Variants in ERBB4 observed in about 807,000 individuals in gnomAD.
The protein encoded by ERBB4 is erb-b2 receptor tyrosine kinase 4.
In ERBB4, 42 loss-of-function variants were observed where a neutral mutation model predicts 158.0. The ratio of observed to expected loss-of-function variants is 0.27; its 90% CI spans 0.21 to 0.34. ERBB4 has a LOEUF of 0.34. Among genes scored for constraint, ERBB4 ranks in the 10% least tolerant of loss-of-function variants. The pLI is 1.00. For missense variants in ERBB4, 1,333 were observed against 1,624.1 expected (o/e 0.82, Z 3.08); for synonymous variants, 583 against 558.7 (o/e 1.04, Z -0.61).
chr2:212,192,757 G>A (rs1032279555), intron 1 of ERBB4, among the ~76,000 whole-genome samples: 5 of 131,072 alleles, frequency 3.8e-5, no homozygotes, highest in Non-Finnish European at 5.2e-5. Context: ...TAGTCCACCT[G>A]ATATCTGAAA....
chr2:211,609,245 A>C (rs1444610047), intron 19 of ERBB4, among the ~76,000 whole-genome samples: 1 of 152,256 alleles, frequency 6.6e-6, no homozygotes, highest in East Asian at 1.9e-4. Flanking sequence ...TCTATGTAAA[A>C]ACTGGCCATA....
At chr2:211,443,880 G>A (rs1836714) in intron 20 of ERBB4, among the ~76,000 whole-genome samples, 116,170 of 151,586 alleles carry the variant, frequency 0.77, 44,705 homozygotes, top group African/African-American at 0.84. Flanking sequence ...ACTCAATGTT[G>A]ATAGTATTAT....
At chr2:212,027,625 C>T (rs1042397701) in intron 2 of ERBB4, among the ~76,000 whole-genome samples, 6 of 147,338 alleles carry the variant, frequency 4.1e-5, no homozygotes, top group African/African-American at 1.5e-4. Context: ...CTTCACTTTA[C>T]ACCTCTGTTG....
At chr2:212,155,730 A>T (rs925106937) in intron 1 of ERBB4, among the ~76,000 whole-genome samples, 3 of 152,124 alleles carry the variant, frequency 2.0e-5, no homozygotes, top group Non-Finnish European at 4.4e-5. Flanking sequence ...TGTAGCTGAC[A>T]AATCAGAGTA....
chr2:212,063,345 A>T (rs562508857), intron 2 of ERBB4, among the ~76,000 whole-genome samples: 19 of 152,250 alleles, frequency 1.2e-4, no homozygotes, highest in African/African-American at 4.6e-4. Context: ...ATATAAACTC[A>T]CCTGTATGAT....
intron 1 of ERBB4, among the ~76,000 whole-genome samples, chr2:212,432,728 C>G (rs1429006204): frequency 6.6e-6 from 1 of 152,072 alleles, no homozygotes; most frequent in Non-Finnish European, 1.5e-5. Flanking sequence ...CATTTAACAT[C>G]ATTAATAACC....
chr2:212,516,878 A>G (rs1362841106), intron 1 of ERBB4, among the ~76,000 whole-genome samples: 1 of 152,112 alleles, frequency 6.6e-6, no homozygotes, highest in South Asian at 2.1e-4. Context: ...GAGGTATTGA[A>G]GAAATGAATG....
intron 5 of ERBB4, among the ~76,000 whole-genome samples, chr2:211,749,094 G>A (rs2075054716): frequency 6.6e-6 from 1 of 152,108 alleles, no homozygotes; most frequent in Admixed American, 6.5e-5. Flanking sequence ...CACTGACTAT[G>A]TTTCATCTAA....
At chr2:212,338,994 GCATT>G (rs2088575653) in intron 1 of ERBB4, among the ~76,000 whole-genome samples, 1 of 152,012 alleles carries the variant, frequency 6.6e-6, no homozygotes, top group African/African-American at 2.4e-5. Flanking sequence ...TGTTCCTAGT[GCATT>G]ATTATCATTA....
intron 19 of ERBB4, among the ~76,000 whole-genome samples, chr2:211,576,486 G>T (rs991350137): frequency 6.6e-5 from 10 of 152,042 alleles, no homozygotes; most frequent in African/African-American, 2.2e-4. Context: ...AAACAGTAGT[G>T]CAGGGTGCTA....
chr2:211,821,047 G>C (rs1054588393), intron 3 of ERBB4, among the ~76,000 whole-genome samples: 2 of 151,802 alleles, frequency 1.3e-5, no homozygotes, highest in Non-Finnish European at 2.9e-5. Flanking sequence ...GTCTTAGCCA[G>C]AGTAATTTAG....
intron 20 of ERBB4, among the ~76,000 whole-genome samples, chr2:211,480,533 G>T (rs986703653): frequency 5.9e-5 from 9 of 152,008 alleles, no homozygotes; most frequent in African/African-American, 1.7e-4. Context: ...TAAGTTTCCC[G>T]AGTCCTCCCC....
At chr2:212,137,153 T>G (rs1222445591) in intron 1 of ERBB4, among the ~76,000 whole-genome samples, 2 of 152,178 alleles carry the variant, frequency 1.3e-5, no homozygotes, top group Non-Finnish European at 2.9e-5. Context: ...TACTTACAAG[T>G]ACAGTCACAA....
At chr2:212,000,653 G>A (rs2076081860) in intron 2 of ERBB4, among the ~76,000 whole-genome samples, 1 of 151,676 alleles carries the variant, frequency 6.6e-6, no homozygotes, top group South Asian at 2.1e-4. Context: ...TCCTATAGCT[G>A]AAATTTAAAT....
chr2:211,737,298 C>A (rs2074632094), intron 5 of ERBB4, among the ~76,000 whole-genome samples: 1 of 152,086 alleles, frequency 6.6e-6, no homozygotes, highest in African/African-American at 2.4e-5. Context: ...GAAGGGGACA[C>A]AATCTCCCTT....
intron 1 of ERBB4, among the ~76,000 whole-genome samples, chr2:212,414,523 G>A (rs1231324410): frequency 6.6e-6 from 1 of 152,046 alleles, no homozygotes; most frequent in African/African-American, 2.4e-5. Flanking sequence ...TAAAATCTCA[G>A]GGCTTTTCTA....
intron 20 of ERBB4, among the ~76,000 whole-genome samples, chr2:211,467,388 GT>G (rs1377109323): frequency 6.6e-6 from 1 of 152,106 alleles, no homozygotes; most frequent in African/African-American, 2.4e-5. Context: ...GTTTATAAAT[GT>G]GATCTGTAAA....
intron 16 of ERBB4, among the ~76,000 whole-genome samples, chr2:211,647,900 C>T (rs1227324261): frequency 6.6e-6 from 1 of 151,656 alleles, no homozygotes; most frequent in Non-Finnish European, 1.5e-5. Flanking sequence ...CTGATTTCCT[C>T]CTACCTCCAT....
intron 1 of ERBB4, among the ~76,000 whole-genome samples, chr2:212,294,563 T>G (rs1053461188): frequency 6.6e-6 from 1 of 152,138 alleles, no homozygotes; most frequent in East Asian, 1.9e-4. Context: ...AATCACTCTA[T>G]GAAAAGTTGT....
Sources: gnomAD v4.1 joint callset for allele counts (sites outside exome capture counted in the v4.1 genomes callset) on GRCh38, gnomAD v4.1.1 for gene constraint, MANE v1.5 for transcripts, NCBI Gene and HGNC (gene_info 2026-07-23, HGNC 2026-07-21) for gene names.